XYLT1: variants seen among roughly 807,000 people sequenced by gnomAD.
XYLT1 encodes the protein beta-D-xylosyltransferase 1.
In XYLT1, 36 loss-of-function variants were observed where a neutral mutation model predicts 91.3. That is an observed-to-expected ratio of 0.39 (90% CI 0.30 to 0.52). The LOEUF is 0.52. Among genes scored for constraint, XYLT1 ranks in the 20% least tolerant of loss-of-function variants. XYLT1 has a pLI of 0.68. For missense variants in XYLT1, 1,242 were observed against 1,284.5 expected (o/e 0.97, Z 0.51); for synonymous variants, 588 against 532.0 (o/e 1.11, Z -1.45).
intron 5 of XYLT1, among the ~76,000 whole-genome samples, chr16:17,196,941 G>C (rs970793219): frequency 6.6e-6 from 1 of 150,448 alleles, no homozygotes; most frequent in African/African-American, 2.5e-5. Context: ...AACCTGGTGG[G>C]TGGAGGCTGC....
intron 1 of XYLT1, among the ~76,000 whole-genome samples, chr16:17,467,225 T>C (rs1190635973): frequency 6.6e-6 from 1 of 152,164 alleles, no homozygotes; most frequent in Non-Finnish European, 1.5e-5. Flanking sequence ...TGAGTAACAG[T>C]TTATCTAAGA....
intron 5 of XYLT1, among the ~76,000 whole-genome samples, chr16:17,162,150 G>A (rs1353179685): frequency 2.0e-5 from 3 of 152,160 alleles, no homozygotes; most frequent in Non-Finnish European, 2.9e-5. Flanking sequence ...GCTCATGCCT[G>A]TAATTCCAGC....
At chr16:17,123,065 T>C (rs112006088) in intron 10 of XYLT1, among the ~76,000 whole-genome samples, 1,675 of 152,318 alleles carry the variant, frequency 0.011, 14 homozygotes, top group Non-Finnish European at 0.018. Context: ...GCAGGCTCTT[T>C]TTTAGTTCCA....
At chr16:17,336,362 G>C (rs1055536916) in intron 2 of XYLT1, among the ~76,000 whole-genome samples, 1 of 152,160 alleles carries the variant, frequency 6.6e-6, no homozygotes, top group Non-Finnish European at 1.5e-5. Flanking sequence ...TTCTGTCAGG[G>C]AAATAAAATA....
rs1019562512 is a variant in XYLT1, at chr16:17,138,199, C to T, written c.1764+156G>A. 11 of 811,412 alleles carry T rather than the reference C, an allele frequency of 1.4e-5. No homozygotes were observed. In the Admixed American group the frequency reaches 3.4e-4, roughly 25 times the overall value. 50.3% of individuals were successfully genotyped at this position (811,412 alleles called of 1,614,324 possible). ...CCCTGAAGTAAGTGCTCAATAAACA[C>T]TGGCTATTGTTGATACTGTTAACTA... On this transcript the variant is annotated intron_variant, in intron 8 of 11. Coordinates refer to ENST00000261381, the MANE Select transcript of XYLT1 (RefSeq NM_022166.4).
At chr16:17,448,109 T>G (rs1235090882) in intron 1 of XYLT1, among the ~76,000 whole-genome samples, 1 of 152,270 alleles carries the variant, frequency 6.6e-6, no homozygotes, top group Non-Finnish European at 1.5e-5. Flanking sequence ...GGCTCACACC[T>G]GTAATCCCAC....
chr16:17,357,388 C>T (rs567541834), intron 2 of XYLT1, among the ~76,000 whole-genome samples: 11 of 152,202 alleles, frequency 7.2e-5, no homozygotes, highest in Admixed American at 5.2e-4. Context: ...TGGAATTCCA[C>T]CTGGCTCTGT....
At chr16:17,425,451 T>TA (rs1383708969) in intron 1 of XYLT1, among the ~76,000 whole-genome samples, 1 of 152,192 alleles carries the variant, frequency 6.6e-6, no homozygotes, top group East Asian at 1.9e-4. Flanking sequence ...TAGTTGAGGC[T>TA]AAATCAACCA....
intron 2 of XYLT1, among the ~76,000 whole-genome samples, chr16:17,287,788 G>A (rs989328829): frequency 2.0e-5 from 3 of 152,184 alleles, no homozygotes; most frequent in Admixed American, 6.5e-5. Context: ...CAGACGCTGG[G>A]CATCTAAAGA....
chr16:17,144,427 G>A (rs1016889068), intron 6 of XYLT1, among the ~76,000 whole-genome samples: 7 of 152,166 alleles, frequency 4.6e-5, no homozygotes, highest in Admixed American at 1.3e-4. Flanking sequence ...AATGAGTTTC[G>A]AGGAACTTCT....
intron 1 of XYLT1, among the ~76,000 whole-genome samples, chr16:17,392,693 C>A (rs895277580): frequency 6.6e-6 from 1 of 152,144 alleles, no homozygotes; most frequent in African/African-American, 2.4e-5. Flanking sequence ...CCTAAACAGA[C>A]AGCTGCAAGA....
At chr16:17,161,725 C>G (rs1332282189) in intron 5 of XYLT1, among the ~76,000 whole-genome samples, 1 of 152,046 alleles carries the variant, frequency 6.6e-6, no homozygotes, top group Non-Finnish European at 1.5e-5. Flanking sequence ...TTCTCACTCT[C>G]TTTTTCTGGT....
intron 3 of XYLT1, among the ~76,000 whole-genome samples, chr16:17,232,160 TATATA>T (rs201599130): frequency 0.027 from 3,954 of 144,230 alleles, 68 homozygotes; most frequent in South Asian, 0.049. Context: ...TAATCGATTA[TATATA>T]ATATATTATA....
intron 8 of XYLT1, among the ~76,000 whole-genome samples, chr16:17,138,028 G>GA (rs756217876): frequency 7.9e-6 from 1 of 126,318 alleles, no homozygotes; most frequent in Non-Finnish European, 1.6e-5. Context: ...GATGAAAAGG[G>GA]AATAAAGAGA....
At chr16:17,221,044 C>T (rs957175547) in intron 3 of XYLT1, among the ~76,000 whole-genome samples, 8 of 152,268 alleles carry the variant, frequency 5.3e-5, no homozygotes, top group South Asian at 4.1e-4. Flanking sequence ...CACTCCTTGG[C>T]CATGTTTTCC....
At chr16:17,299,701 G>A (rs76027536) in intron 2 of XYLT1, among the ~76,000 whole-genome samples, 3,043 of 152,190 alleles carry the variant, frequency 0.02, 113 homozygotes, top group African/African-American at 0.068. Context: ...TTGAATGGGG[G>A]CCACTCATGC....
intron 1 of XYLT1, among the ~76,000 whole-genome samples, chr16:17,376,547 C>T (rs562434630): frequency 9.2e-5 from 14 of 152,164 alleles, no homozygotes; most frequent in Non-Finnish European, 2.1e-4. Context: ...AGGGACCTGG[C>T]TGGGCACAGT....
At chr16:17,351,573 TTAAAGTCTGAACTTA>T (rs1477960361) in intron 2 of XYLT1, among the ~76,000 whole-genome samples, 3 of 152,136 alleles carry the variant, frequency 2.0e-5, no homozygotes, top group African/African-American at 7.2e-5. Context: ...CTACAGCTGG[TTAAAGTCTGAACTTA>T]AACCAGAAAG....
intron 2 of XYLT1, among the ~76,000 whole-genome samples, chr16:17,286,507 C>T (rs2034142361): frequency 2.0e-5 from 3 of 152,208 alleles, no homozygotes; most frequent in Admixed American, 1.3e-4. Flanking sequence ...CCCAGGTCAA[C>T]CTGTCACCCA....
Sources: allele counts gnomAD v4.1 joint callset (sites outside exome capture counted in the v4.1 genomes callset), GRCh38; gene constraint gnomAD v4.1.1; transcripts MANE v1.5; gene names NCBI Gene and HGNC (gene_info 2026-07-23, HGNC 2026-07-21).